Variants in RTCB observed in about 807,000 individuals in gnomAD.
RTCB encodes RNA 2',3'-cyclic phosphate and 5'-OH ligase, also known as RNA-splicing ligase RTCB.
RTCB carries 32 observed loss-of-function variants against 58.2 expected under a neutral mutation model. The ratio of observed to expected loss-of-function variants is 0.55; its 90% CI spans 0.41 to 0.74. The LOEUF (loss-of-function observed/expected upper bound fraction) is 0.74. Among genes scored for constraint, RTCB ranks in the 30% least tolerant of loss-of-function variants. The pLI is 0.00. For synonymous variants in RTCB, 247 were observed against 218.6 expected (o/e 1.13, Z -1.15); for missense variants, 523 against 639.0 (o/e 0.82, Z 1.96).
chr22:32,397,990 A>G lies in RTCB; in HGVS notation c.765T>C (p.Cys255=). 1 of 1,614,108 alleles carries G rather than the reference A, an allele frequency of 6.2e-7. No individual in the cohort carries two copies. Among genetic ancestry groups the G allele is most frequent in the Non-Finnish European group, 8.5e-7 (1 of 1,180,012 alleles). Residue 255 remains cysteine, a synonymous_variant, in exon 7 of 12, where the codon TGT becomes TGC. Coordinates refer to ENST00000216038, the MANE Select transcript of RTCB (RefSeq NM_014306.5). ...CTCTGCTTCCACTGTGGATCATCAC[A>G]CACACCTGTCCCTTATGGTCGATGC... ...KMGIDHKGQV[C]VMIHSGSRGL... is the part of the protein sequence containing the mutation.
chr22:32,409,961 G>A (rs1933492113), intron 1 of RTCB, among the ~76,000 whole-genome samples: 1 of 151,986 alleles, frequency 6.6e-6, no homozygotes, highest in South Asian at 2.1e-4. Flanking sequence ...GGGACTACAG[G>A]TGCCCGCCAC....
Position 32,391,836 on chromosome 22 carries a change from G to T in RTCB, c.1410+404C>A, listed in dbSNP as rs569325676. On this transcript the variant is annotated intron_variant, in intron 11 of 11. Coordinates refer to ENST00000216038, the MANE Select transcript of RTCB (RefSeq NM_014306.5). The stretch of plus-strand genomic sequence containing the variant: ...GTACATATATGTAAACATATATACA[G>T]AATTTAAACAAAATCTGTTCTCCTG... 4.6e-5 allele frequency among the ~76,000 whole-genome samples: 7 copies of T among 152,156 alleles called. No homozygotes were observed. The East Asian group carries it at 1.2e-3, about 25-fold the overall frequency.
At chr22:32,390,169 T>G (rs979946514) in intron 11 of RTCB, among the ~76,000 whole-genome samples, 8 of 152,206 alleles carry the variant, frequency 5.3e-5, no homozygotes, top group Admixed American at 2.0e-4. Flanking sequence ...TCATAGAACT[T>G]GCATGGTCAT....
At chr22:32,399,278 T>C (rs1933294622) in intron 6 of RTCB, among the ~76,000 whole-genome samples, 1 of 151,916 alleles carries the variant, frequency 6.6e-6, no homozygotes, top group Non-Finnish European at 1.5e-5. Flanking sequence ...CTGGGATTAC[T>C]TGCATGTGCC....
At chr22:32,388,124 G>A (rs1287480011) in intron 11 of RTCB, 25 bp from the exon 12 acceptor site, 1 of 1,425,760 alleles carries the variant, frequency 7.0e-7, no homozygotes, top group South Asian at 1.2e-5. Context: ...TTTAAACATT[G>A]TACAAGTCCA....
At chr22:32,399,276 A>G (rs1408828826) in intron 6 of RTCB, among the ~76,000 whole-genome samples, 1 of 150,472 alleles carries the variant, frequency 6.6e-6, no homozygotes, top group Non-Finnish European at 1.5e-5. Flanking sequence ...AGCTGGGATT[A>G]CTTGCATGTG....
At chr22:32,403,127 C>T (rs1291581668) in intron 4 of RTCB, among the ~76,000 whole-genome samples, 1 of 152,086 alleles carries the variant, frequency 6.6e-6, no homozygotes, top group Non-Finnish European at 1.5e-5. Context: ...TATATATTGG[C>T]AGGGTGCAGG....
intron 5 of RTCB, 57 bp downstream of exon 5, chr22:32,401,690 G>C: frequency 6.4e-7 from 1 of 1,568,160 alleles, no homozygotes; most frequent in Non-Finnish European, 8.7e-7. Context: ...AAAGGAAGCT[G>C]AAGGTCATGT....
chr22:32,395,952 G>A (rs1256149885), intron 8 of RTCB, 122 bp downstream of exon 8: 6 of 920,978 alleles, frequency 6.5e-6, no homozygotes, highest in East Asian at 5.0e-5. Flanking sequence ...GCCCCCCCTC[G>A]GCCTCCCAAA....
chr22:32,401,682 A>G, intron 5 of RTCB, 65 bp downstream of exon 5: 2 of 1,545,804 alleles, frequency 1.3e-6, no homozygotes, highest in Admixed American at 1.7e-5. Context: ...TGCACTGGAA[A>G]GGAAGCTGAA....
chr22:32,399,155 C>T (rs1933292572), intron 6 of RTCB, among the ~76,000 whole-genome samples: 4 of 152,110 alleles, frequency 2.6e-5, no homozygotes, highest in Admixed American at 2.0e-4. Flanking sequence ...TGAACATTTG[C>T]AAGCTCCTGA....
intron 11 of RTCB, among the ~76,000 whole-genome samples, chr22:32,390,122 T>C (rs906246385): frequency 6.6e-6 from 1 of 152,152 alleles, no homozygotes; most frequent in Non-Finnish European, 1.5e-5. Context: ...CTGTACCCCT[T>C]CCCACCTTTC....
At chr22:32,407,768 T>G (rs1706334632) in intron 3 of RTCB, 1 of 157,740 alleles carries the variant, frequency 6.3e-6, no homozygotes, top group South Asian at 2.0e-4. Flanking sequence ...TTCCTTTTAT[T>G]TTTTATTTTT....
At chr22:32,402,839 G>T (rs745336939) in intron 4 of RTCB, among the ~76,000 whole-genome samples, 7 of 151,982 alleles carry the variant, frequency 4.6e-5, no homozygotes, top group Non-Finnish European at 8.8e-5. Context: ...TCGACTTCCC[G>T]GCTCCAGCAA....
chr22:32,398,122 G>T (rs934112466), intron 6 of RTCB, 22 bp from the exon 7 acceptor site: 17 of 1,593,696 alleles, frequency 1.1e-5, no homozygotes, highest in Non-Finnish European at 1.2e-5. Flanking sequence ...AAAATGTCTG[G>T]TAAGATAGTT....
At chr22:32,397,857 G>T in intron 7 of RTCB, 84 bp downstream of exon 7, 1 of 1,294,844 alleles carries the variant, frequency 7.7e-7, no homozygotes, top group Non-Finnish European at 1.1e-6. Context: ...TAAAACCCAT[G>T]CAGTATATTT....
At position 32,393,018 on chromosome 22, in the gene RTCB, C is replaced by T. The variant is rs562847598; in HGVS notation, c.1291-659G>A. ...GTGACATAATCATAGCTCACTGCAG[C>T]CTTAATCTCCTGGGCTCAAGCAATC... On this transcript the variant is annotated intron_variant, in intron 10 of 11. Transcript: ENST00000216038. 2.6e-5 allele frequency among the ~76,000 whole-genome samples: 4 copies of T among 152,318 alleles called. No homozygotes were observed. The East Asian group carries it at 7.7e-4, about 29-fold the overall frequency.
Position 32,392,355 on chromosome 22 carries a change from C to T in RTCB, c.1295G>A (p.Arg432His). 2 of 1,613,638 alleles carry T rather than the reference C, an allele frequency of 1.2e-6. No individual in the cohort carries two copies. Among genetic ancestry groups the T allele is most frequent in the South Asian group, 1.1e-5 (1 of 91,002 alleles). ...TCGAGATTTTGCTCGGGACAATGCA[C>T]GGCCCTAGAATGGGAAAGGAATGAA... is the stretch of plus-strand genomic sequence containing the variant. Reference protein sequence around the residue: ...TFGTTCHGAGRALSRAKSRRN... With the variant: ...TFGTTCHGAGHALSRAKSRRN... The change falls in exon 11 of 12, where the codon CGT becomes CAT. Residue 432 changes from arginine (R) to histidine (H), a missense_variant. By Grantham distance (29) the Arg-to-His change is conservative (BLOSUM62 0). Coordinates refer to ENST00000216038, the MANE Select transcript of RTCB (RefSeq NM_014306.5).
intron 8 of RTCB, 142 bp downstream of exon 8, chr22:32,395,932 C>G: frequency 1.4e-6 from 1 of 716,360 alleles, no homozygotes; most frequent in East Asian, 2.7e-5. Context: ...ATCTCCTAAC[C>G]TTGTGATCCG....
Sources: allele counts gnomAD v4.1 joint callset (sites outside exome capture counted in the v4.1 genomes callset), GRCh38; gene constraint gnomAD v4.1.1; transcripts MANE v1.5; gene names NCBI Gene and HGNC (gene_info 2026-07-23, HGNC 2026-07-21).